HOMER2: variants seen among roughly 807,000 people sequenced by gnomAD.
HOMER2 encodes the protein homer scaffold protein 2, also known as homer protein homolog 2.
A neutral mutation model predicts 47.0 loss-of-function variants in HOMER2; 27 were observed. The ratio of observed to expected loss-of-function variants is 0.57; its 90% CI spans 0.42 to 0.79. HOMER2 has a LOEUF of 0.79. HOMER2 is among the 30% of genes least tolerant of loss of function. HOMER2 has a pLI of 0.00. For missense variants in HOMER2, 443 were observed against 435.0 expected, an observed-to-expected ratio of 1.02 and a Z score of -0.16; for synonymous variants, 161 against 163.8, an observed-to-expected ratio of 0.98 and a Z score of 0.13.
chr15:82,938,807 A>G (rs2054197512), intron 1 of HOMER2, among the ~76,000 whole-genome samples: 1 of 152,138 alleles, frequency 6.6e-6, no homozygotes, highest in Non-Finnish European at 1.5e-5. Context: ...TCTCAGTCTC[A>G]GTCTCCCGCC....
intron 1 of HOMER2, among the ~76,000 whole-genome samples, chr15:82,893,546 T>C (rs2052795301): frequency 6.6e-6 from 1 of 151,954 alleles, no homozygotes; most frequent in Non-Finnish European, 1.5e-5. Context: ...TTGGCCGGGC[T>C]GGTCTCGAAC....
At chr15:82,956,787 G>A (rs2054591093), upstream of HOMER2, among the ~76,000 whole-genome samples, 1 of 152,162 alleles carries the variant, frequency 6.6e-6, no homozygotes, top group Non-Finnish European at 1.5e-5. Context: ...ATATGGACAA[G>A]GCCTGGAGTA....
intron 1 of HOMER2, among the ~76,000 whole-genome samples, chr15:82,941,738 A>C (rs73451128): frequency 0.011 from 1,735 of 152,128 alleles, 38 homozygotes; most frequent in African/African-American, 0.04. Flanking sequence ...CTTCATGCCT[A>C]TACCTTCCCA....
At chr15:82,836,315 C>T (rs942057430), downstream of HOMER2, among the ~76,000 whole-genome samples, 2 of 152,240 alleles carry the variant, frequency 1.3e-5, no homozygotes, top group Non-Finnish European at 2.9e-5. Context: ...TGCCAGTCTT[C>T]ACCTCTCCCT....
chr15:82,899,405 A>G (rs79127068), intron 1 of HOMER2, among the ~76,000 whole-genome samples: 1,752 of 152,342 alleles, frequency 0.012, 28 homozygotes, highest in East Asian at 0.092. Context: ...CTAGGTGGTC[A>G]ACAGGCTACG....
intron 1 of HOMER2, among the ~76,000 whole-genome samples, chr15:82,948,095 G>T (rs1425590125): frequency 6.6e-6 from 1 of 151,948 alleles, no homozygotes; most frequent in African/African-American, 2.4e-5. Context: ...AAATACAAAA[G>T]AATTAGCTGG....
At chr15:82,899,635 G>C (rs974803482) in intron 1 of HOMER2, among the ~76,000 whole-genome samples, 1 of 152,188 alleles carries the variant, frequency 6.6e-6, no homozygotes, top group African/African-American at 2.4e-5. Context: ...AACTGAAAAA[G>C]TGAGTAATCA....
At chr15:82,892,231 G>A (rs577325624) in intron 2 of HOMER2, among the ~76,000 whole-genome samples, 5 of 152,080 alleles carry the variant, frequency 3.3e-5, no homozygotes, top group Non-Finnish European at 5.9e-5. Flanking sequence ...CTGGAAGAAC[G>A]AACCCTTCTG....
chr15:82,835,499 C>CT (rs2151579216), downstream of HOMER2: 1 of 152,572 alleles, frequency 6.6e-6, no homozygotes, highest in East Asian at 1.9e-4. Context: ...GCGTGAGTCC[C>CT]TTTCAGCAGC....
intron 1 of HOMER2, among the ~76,000 whole-genome samples, chr15:82,980,918 GAGTA>G (rs2030372154): frequency 1.3e-5 from 2 of 152,106 alleles, no homozygotes; most frequent in African/African-American, 4.8e-5. Context: ...TGCAGATGTG[GAGTA>G]TTCTTTGTAA....
At chr15:82,875,519 T>G in intron 2 of HOMER2, 115 bp from the exon 3 acceptor site, 3 of 1,107,268 alleles carry the variant, frequency 2.7e-6, no homozygotes, top group Non-Finnish European at 3.9e-6. Context: ...CTCTGCCCTG[T>G]TAAATTTGGT....
At chr15:82,924,709 C>G (rs1282495699) in intron 1 of HOMER2, among the ~76,000 whole-genome samples, 1 of 152,206 alleles carries the variant, frequency 6.6e-6, no homozygotes, top group Non-Finnish European at 1.5e-5. Context: ...GCTTATTGAT[C>G]ACCTGTTGTG....
rs1199472196 is a variant in HOMER2 at position 82,917,669 on chromosome 15, TAAG to T, written c.6-24831_6-24829del. On this transcript the variant is annotated intron_variant, in intron 1 of 8. Coordinates refer to ENST00000450735, the MANE Select transcript of HOMER2 (RefSeq NM_004839.4). ...AAGTCTTCAAGGAAGGAAAACTAGT[TAAG>T]AAGAATAAACCCATTGTTCTACAGC... Among the ~76,000 whole-genome samples the T allele has an allele frequency of 1.9e-3, 284 of 152,268 alleles. 2 individuals carry two copies. Among genetic ancestry groups the T allele is most frequent in the Non-Finnish European group, 3.4e-4 (23 of 68,032 alleles).
intron 8 of HOMER2, among the ~76,000 whole-genome samples, chr15:82,850,153 A>T (rs1405304327): frequency 6.6e-6 from 1 of 152,222 alleles, no homozygotes; most frequent in African/African-American, 2.4e-5. Context: ...CCAGCCTGAA[A>T]ACCCAAGACC....
At chr15:82,922,857 C>G (rs1010240163) in intron 1 of HOMER2, among the ~76,000 whole-genome samples, 1 of 152,200 alleles carries the variant, frequency 6.6e-6, no homozygotes, top group African/African-American at 2.4e-5. Context: ...CTGCTCACCC[C>G]ATACCTGTGC....
chr15:82,946,282 C>G (rs1463871038), intron 1 of HOMER2, among the ~76,000 whole-genome samples: 2 of 151,904 alleles, frequency 1.3e-5, no homozygotes, highest in Non-Finnish European at 2.9e-5. Flanking sequence ...TCTTTCCTAA[C>G]AACACTTGGA....
chr15:82,866,543 G>A (rs933146312), intron 3 of HOMER2, among the ~76,000 whole-genome samples: 8 of 152,150 alleles, frequency 5.3e-5, no homozygotes, highest in African/African-American at 1.7e-4. Flanking sequence ...GATTTGGGAG[G>A]GGATGGAAAG....
At chr15:82,860,428 GT>G (rs2051737705) in intron 4 of HOMER2, among the ~76,000 whole-genome samples, 1 of 152,002 alleles carries the variant, frequency 6.6e-6, no homozygotes, top group African/African-American at 2.4e-5. Context: ...TTTCCTAACT[GT>G]TAAAGCTGAC....
intron 6 of HOMER2, among the ~76,000 whole-genome samples, chr15:82,853,611 A>G (rs1368229826): frequency 1.3e-5 from 2 of 152,186 alleles, no homozygotes. Flanking sequence ...CTGACGGAGC[A>G]TACTCCAAAG....
Sources: allele counts gnomAD v4.1 joint callset (sites outside exome capture counted in the v4.1 genomes callset), GRCh38; gene constraint gnomAD v4.1.1; transcripts MANE v1.5; gene names NCBI Gene and HGNC (gene_info 2026-07-23, HGNC 2026-07-21).